Variants in DIAPH2 observed in about 807,000 individuals in gnomAD.
DIAPH2 encodes the protein diaphanous related formin 2, also known as protein diaphanous homolog 2.
DIAPH2 carries 35 observed loss-of-function variants against 92.7 expected under a neutral mutation model. The ratio of observed to expected loss-of-function variants is 0.38; its 90% CI spans 0.29 to 0.50. The LOEUF (loss-of-function observed/expected upper bound fraction) is 0.50, where lower values mean the gene tolerates loss of function less well. Among genes scored for constraint, DIAPH2 ranks in the 20% least tolerant of loss-of-function variants. DIAPH2 has a pLI of 0.94. For missense variants in DIAPH2, 701 were observed against 819.5 expected (o/e 0.86, Z 1.77); for synonymous variants, 301 against 280.4 (o/e 1.07, Z -0.73).
intron 23 of DIAPH2, among the ~76,000 whole-genome samples, chrX:97,259,415 A>G (rs756849949): frequency 8.9e-6 from 1 of 112,183 alleles, no homozygotes; most frequent in South Asian, 3.8e-4. Flanking sequence ...AAAGAGGGTA[A>G]AAATCAAATT....
intron 5 of DIAPH2, among the ~76,000 whole-genome samples, chrX:96,904,082 C>G (rs1164615401): frequency 8.9e-6 from 1 of 111,888 alleles, no homozygotes; most frequent in African/African-American, 3.2e-5. Context: ...AGGCATGAAA[C>G]ATAGTAGGAT....
intron 22 of DIAPH2, among the ~76,000 whole-genome samples, chrX:97,176,509 GTTTT>G (rs2147458574): frequency 3.8e-5 from 1 of 26,415 alleles, no homozygotes; most frequent in East Asian, 6.2e-4. Context: ...TTTTTTGTTT[GTTTT>G]GTTTTGTTTT....
chrX:97,415,724 G>A (rs1437640063), intron 25 of DIAPH2, among the ~76,000 whole-genome samples: 1 of 109,094 alleles, frequency 9.2e-6, no homozygotes, highest in African/African-American at 3.4e-5. Context: ...GCAGGGGGAG[G>A]GATAGCATTA....
chrX:97,297,976 TAAG>T (rs2068660207), intron 23 of DIAPH2, among the ~76,000 whole-genome samples: 1 of 110,145 alleles, frequency 9.1e-6, no homozygotes, highest in South Asian at 3.8e-4. Context: ...CAAACAAAAA[TAAG>T]ACACATTTGC....
chrX:97,130,813 C>T (rs186490322), intron 21 of DIAPH2, among the ~76,000 whole-genome samples: 1 of 111,077 alleles, frequency 9.0e-6, no homozygotes, highest in East Asian at 2.8e-4. Context: ...TGCTTGAAGC[C>T]AGGAGTTTGA....
chrX:97,565,118 G>C (rs1226297934), intron 26 of DIAPH2, among the ~76,000 whole-genome samples: 2 of 111,691 alleles, frequency 1.8e-5, no homozygotes, highest in Non-Finnish European at 3.8e-5. Flanking sequence ...CAAAGTCATG[G>C]ACCTAGAAAT....
chrX:96,861,862 C>T (rs2065074334), intron 4 of DIAPH2, among the ~76,000 whole-genome samples: 1 of 112,009 alleles, frequency 8.9e-6, no homozygotes. Flanking sequence ...CGAACTTCTT[C>T]CATTTCCATG....
At chrX:97,373,356 T>G (rs982783814) in intron 24 of DIAPH2, among the ~76,000 whole-genome samples, 4 of 109,658 alleles carry the variant, frequency 3.6e-5, no homozygotes, top group African/African-American at 1.3e-4. Flanking sequence ...TGTAGAGACG[T>G]TCTCGGTAAT....
chrX:97,000,438 G>C (rs1332251582), intron 17 of DIAPH2, among the ~76,000 whole-genome samples: 1 of 111,650 alleles, frequency 9.0e-6, no homozygotes, highest in Non-Finnish European at 1.9e-5. Context: ...CATCTCTCTT[G>C]ATTCTTAATT....
chrX:97,379,294 G>A (rs2069531124), intron 24 of DIAPH2, among the ~76,000 whole-genome samples: 1 of 111,522 alleles, frequency 9.0e-6, no homozygotes, highest in Admixed American at 9.5e-5. Context: ...AGGGAGGAAG[G>A]GGGTTTGCAA....
chrX:96,935,735 C>T (rs1246416932), intron 10 of DIAPH2, among the ~76,000 whole-genome samples: 1 of 111,977 alleles, frequency 8.9e-6, no homozygotes, highest in Non-Finnish European at 1.9e-5. Context: ...CAGTTATTTT[C>T]ACTGAAAGCA....
At chrX:96,785,529 A>G (rs370779460) in intron 4 of DIAPH2, among the ~76,000 whole-genome samples, 43 of 18,073 alleles carry the variant, frequency 2.4e-3, no homozygotes, top group East Asian at 0.023. Context: ...TTGCCCAGGC[A>G]CGATCTTGGC....
chrX:96,980,535 C>T (rs896624317), intron 17 of DIAPH2, among the ~76,000 whole-genome samples: 1 of 110,262 alleles, frequency 9.1e-6, no homozygotes, highest in Non-Finnish European at 1.9e-5. Flanking sequence ...AGTGGGAAAA[C>T]GGGGATGAAA....
intron 26 of DIAPH2, among the ~76,000 whole-genome samples, chrX:97,546,710 C>T (rs1289192464): frequency 1.8e-5 from 2 of 110,934 alleles, no homozygotes; most frequent in African/African-American, 6.6e-5. Context: ...GTGGTGCATG[C>T]CTGTAATCCC....
chrX:96,812,782 A>C (rs1351296380), intron 4 of DIAPH2, among the ~76,000 whole-genome samples: 1 of 111,868 alleles, frequency 8.9e-6, no homozygotes, highest in Non-Finnish European at 1.9e-5. Context: ...TTATGTACCC[A>C]GTAGTCATTC....
chrX:96,917,275 A>G (rs1255406888), intron 8 of DIAPH2, among the ~76,000 whole-genome samples: 1 of 111,476 alleles, frequency 9.0e-6, no homozygotes, highest in Non-Finnish European at 1.9e-5. Context: ...CGTGACAGTA[A>G]TAATGTCAAT....
At chrX:97,111,467 G>T (rs1289990631) in intron 20 of DIAPH2, among the ~76,000 whole-genome samples, 1 of 111,853 alleles carries the variant, frequency 8.9e-6, no homozygotes, top group Non-Finnish European at 1.9e-5. Flanking sequence ...ACAACCAGGT[G>T]ACAAACTGTA....
rs2070118286 is a variant in DIAPH2 at position 97,430,775 on chromosome X, T to C, written c.3241+1030T>C. On this transcript the variant is annotated intron_variant, in intron 26 of 26. Transcript: ENST00000324765. ...AGAAATGGGGCCCAGAACATAGTTGTCCAGGAAAGCTTTTGGCAGTGATGA... is the reference window on the plus strand; with the variant it reads ...AGAAATGGGGCCCAGAACATAGTTGCCCAGGAAAGCTTTTGGCAGTGATGA... 3.6e-5 allele frequency among the ~76,000 whole-genome samples: 4 copies of C among 112,132 alleles called. No individual in the cohort carries two copies. In the South Asian group the frequency reaches 1.1e-3, roughly 31 times the overall value.
At chrX:97,036,884 A>T (rs1166066113) in intron 17 of DIAPH2, among the ~76,000 whole-genome samples, 1 of 111,583 alleles carries the variant, frequency 9.0e-6, no homozygotes, top group Non-Finnish European at 1.9e-5. Context: ...ATAGCAGAAG[A>T]CACTTGCTGA....
Sources: gnomAD v4.1 joint callset for allele counts (sites outside exome capture counted in the v4.1 genomes callset) on GRCh38, gnomAD v4.1.1 for gene constraint, MANE v1.5 for transcripts, NCBI Gene and HGNC (gene_info 2026-07-23, HGNC 2026-07-21) for gene names.